LVRN: variants seen among roughly 807,000 people sequenced by gnomAD.
The protein encoded by LVRN is aminopeptidase Q.
In LVRN, 99 loss-of-function variants were observed where a neutral mutation model predicts 111.4. The observed-to-expected ratio is 0.89, with a 90% CI of 0.76 to 1.05. LVRN has a LOEUF of 1.05. Among genes scored for constraint, LVRN ranks in the 50% least tolerant of loss-of-function variants. The pLI is 0.00. For synonymous variants in LVRN, 488 were observed against 449.5 expected (o/e 1.09, Z -1.08); for missense variants, 1,414 against 1,206.8 (o/e 1.17, Z -2.54).
At chr5:115,971,585 T>C (rs1378304681) in intron 1 of LVRN, among the ~76,000 whole-genome samples, 2 of 152,144 alleles carry the variant, frequency 1.3e-5, no homozygotes, top group Admixed American at 1.3e-4. Flanking sequence ...CTATCTGTAC[T>C]GAATTGTGTC....
rs757594151 is a variant in LVRN at position 115,992,236 on chromosome 5, A to G, written c.1219A>G (p.Thr407Ala). Residue 407 changes from threonine (T) to alanine (A), a missense_variant, in exon 5 of 20, where the codon ACT (threonine) becomes GCT (alanine). Physicochemically the swap from Thr to Ala is moderately conservative, Grantham distance 58. Coordinates refer to ENST00000357872, the MANE Select transcript of LVRN (RefSeq NM_173800.5). The stretch of plus-strand genomic sequence containing the variant: ...AAAAGATCAACTGACAGAAAAAAAG[A>G]CTCTGATCTCCTATGTTGTCTCCCA... ...EPKDQLTEKK[T>A]LISYVVSHEI... The G allele has an allele frequency of 5.0e-6, 8 of 1,613,788 alleles. No homozygotes were observed. The African/African-American group carries it at 6.7e-5, about 13-fold the overall frequency.
chr5:115,982,542 A>T (rs1215063351), intron 1 of LVRN, among the ~76,000 whole-genome samples: 1 of 152,044 alleles, frequency 6.6e-6, no homozygotes, highest in Non-Finnish European at 1.5e-5. Flanking sequence ...TTGAGAAGAA[A>T]GTTGTTTGCT....
intron 1 of LVRN, among the ~76,000 whole-genome samples, chr5:115,964,414 T>C (rs1753158648): frequency 6.6e-6 from 1 of 152,204 alleles, no homozygotes; most frequent in South Asian, 2.1e-4. Context: ...AACTTTTGTT[T>C]TTAAGGGCAG....
At chr5:116,014,286 T>G in intron 15 of LVRN, 134 bp from the exon 16 acceptor site, 1 of 672,486 alleles carries the variant, frequency 1.5e-6, no homozygotes, top group Non-Finnish European at 2.5e-6. Context: ...AAAACAATTT[T>G]TTAAAACAAA....
intron 15 of LVRN, 144 bp from the exon 16 acceptor site, chr5:116,014,276 A>T: frequency 1.6e-6 from 1 of 636,710 alleles, no homozygotes; most frequent in Non-Finnish European, 2.7e-6. Flanking sequence ...GTCATCCACA[A>T]AAACAATTTT....
chr5:116,010,637 GC>G, intron 13 of LVRN, 103 bp from the exon 14 acceptor site: 2 of 1,188,702 alleles, frequency 1.7e-6, no homozygotes. Context: ...TTATTCACAT[GC>G]CTTATTGAAG....
In LVRN at chr5:115,993,736, A is replaced by G; in HGVS notation, c.1261-5A>G. ...AAGCTCTTTTTTTCTTCTCATTTCC[A>G]AAAGTGGTTTGGAAACTTGGTTACC... On this transcript the variant is annotated splice_region_variant and splice_polypyrimidine_tract_variant and intron_variant, in intron 5 of 19. Coordinates refer to ENST00000357872, the MANE Select transcript of LVRN (RefSeq NM_173800.5). 6.3e-7 allele frequency: 1 copy of G among 1,586,902 alleles called. No homozygotes were observed. The highest frequency in any genetic ancestry group is 8.6e-7 in the Non-Finnish European group (1 of 1,165,482).
At chr5:115,973,059 G>A (rs143056006) in intron 1 of LVRN, among the ~76,000 whole-genome samples, 1 of 152,086 alleles carries the variant, frequency 6.6e-6, no homozygotes, top group African/African-American at 2.4e-5. Flanking sequence ...CTCCTGAGTA[G>A]CTGAGACTAC....
At position 116,024,589 on chromosome 5, in the gene LVRN, C is replaced by G. The variant is rs114191168; in HGVS notation, c.2833-1389C>G. 5.1e-3 allele frequency among the ~76,000 whole-genome samples: 780 copies of G among 152,302 alleles called. 7 individuals are homozygous for G. Among genetic ancestry groups the G allele is most frequent in the African/African-American group, 0.018 (732 of 41,560 alleles). On this transcript the variant is annotated intron_variant, in intron 19 of 19. Coordinates refer to ENST00000357872, the MANE Select transcript of LVRN (RefSeq NM_173800.5). ...ATGCTGGTACAAAAGCTCCGCGAAT[C>G]AAGACTCAGTGTGTGTTTCTGTCTT...
intron 3 of LVRN, 139 bp from the exon 4 acceptor site, chr5:115,987,674 G>A: frequency 1.0e-6 from 1 of 975,476 alleles, no homozygotes; most frequent in Non-Finnish European, 1.5e-6. Flanking sequence ...GGACATGTAA[G>A]CATGCAAGCA....
chr5:115,964,962 A>G (rs1254052909), intron 1 of LVRN, among the ~76,000 whole-genome samples: 1 of 152,182 alleles, frequency 6.6e-6, no homozygotes, highest in Non-Finnish European at 1.5e-5. Flanking sequence ...CCTGCAACAG[A>G]AGGATGGCTT....
chr5:115,982,651 G>C lies in LVRN; in HGVS notation c.696-636G>C, dbSNP rs79849322. Among the ~76,000 whole-genome samples the C allele has an allele frequency of 6.3e-3, 959 of 152,200 alleles. 5 individuals are homozygous for C. Among genetic ancestry groups the C allele is most frequent in the Middle Eastern group, 0.01 (3 of 294 alleles). On this transcript the variant is annotated intron_variant, in intron 1 of 19. Coordinates refer to ENST00000357872, the MANE Select transcript of LVRN (RefSeq NM_173800.5). ...TATTCTTGTCCCTAAGCTTTTCCCT[G>C]TAAGTCACCAGTGTGTGGTGGGATA...
intron 1 of LVRN, among the ~76,000 whole-genome samples, chr5:115,970,571 G>C (rs575434216): frequency 5.9e-5 from 9 of 151,924 alleles, no homozygotes; most frequent in Non-Finnish European, 1.3e-4. Context: ...TATTTCAGTA[G>C]AGATGGGGTT....
At chr5:115,992,499 G>A (rs1486959956) in intron 5 of LVRN, among the ~76,000 whole-genome samples, 1 of 152,122 alleles carries the variant, frequency 6.6e-6, no homozygotes, top group Non-Finnish European at 1.5e-5. Flanking sequence ...TTTGGCTGAG[G>A]GCTGGGTATT....
rs1229291026 is a variant in LVRN at position 116,026,699 on chromosome 5, C to T, written c.*581C>T. On this transcript the variant is annotated 3_prime_UTR_variant, in exon 20 of 20. Coordinates refer to ENST00000357872, the MANE Select transcript of LVRN (RefSeq NM_173800.5). ...GGCAAGAAGTGTGTCTTCTCCTGCC[C>T]ATTTCTCTCTCCCACAGTACATCCT... is the stretch of plus-strand genomic sequence containing the variant. The T allele has an allele frequency of 6.4e-6, 1 of 157,216 alleles. No individual in the cohort carries two copies. Among genetic ancestry groups the T allele is most frequent in the Non-Finnish European group, 1.4e-5 (1 of 71,838 alleles). 9.7% of individuals were successfully genotyped at this position (157,216 alleles called of 1,614,324 possible). A position where few individuals can be genotyped will look rare whatever the true frequency, so the allele number is the denominator to read the frequency against.
chr5:115,983,211 C>A, intron 1 of LVRN, 76 bp from the exon 2 acceptor site: 1 of 1,433,404 alleles, frequency 7.0e-7, no homozygotes, highest in Non-Finnish European at 9.2e-7. Flanking sequence ...ACTTACAAGC[C>A]ATCATCTCTC....
At chr5:116,025,522 A>T (rs756756305) in intron 19 of LVRN, among the ~76,000 whole-genome samples, 6 of 152,244 alleles carry the variant, frequency 3.9e-5, no homozygotes, top group Non-Finnish European at 7.3e-5. Context: ...CAGCCAATGT[A>T]CAAATTCATT....
chr5:115,999,148 T>C (rs1030459290), intron 6 of LVRN, among the ~76,000 whole-genome samples: 2 of 152,220 alleles, frequency 1.3e-5, no homozygotes, highest in African/African-American at 2.4e-5. Flanking sequence ...ATTTTTCTTC[T>C]AGCTTTACTT....
intron 13 of LVRN, among the ~76,000 whole-genome samples, chr5:116,007,155 G>C (rs1184853178): frequency 1.3e-5 from 2 of 152,086 alleles, no homozygotes; most frequent in Non-Finnish European, 2.9e-5. Flanking sequence ...CGGTCCTTTT[G>C]AATTTCATTC....
Sources: allele counts gnomAD v4.1 joint callset (sites outside exome capture counted in the v4.1 genomes callset), GRCh38; gene constraint gnomAD v4.1.1; transcripts MANE v1.5; gene names NCBI Gene and HGNC (gene_info 2026-07-23, HGNC 2026-07-21).